Variants in PCDHGA4 observed in about 807,000 individuals in gnomAD.
The protein encoded by PCDHGA4 is protocadherin gamma subfamily A, 4, also known as protocadherin gamma-A4.
In PCDHGA4, 38 loss-of-function variants were observed where a neutral mutation model predicts 54.6. That is an observed-to-expected ratio of 0.70 (90% CI 0.54 to 0.91). The LOEUF (loss-of-function observed/expected upper bound fraction) is 0.91. Among genes scored for constraint, PCDHGA4 ranks in the 40% least tolerant of loss-of-function variants. PCDHGA4 has a pLI of 0.00. For synonymous variants in PCDHGA4, 511 were observed against 512.9 expected (o/e 1.00, Z 0.05); for missense variants, 1,298 against 1,220.9 (o/e 1.06, Z -0.94).
At chr5:141,360,096 T>A in intron 1 of PCDHGA4, 1 of 1,526,388 alleles carries the variant, frequency 6.6e-7, no homozygotes, top group Non-Finnish European at 8.8e-7. Flanking sequence ...CCCGGAAGGC[T>A]TATTCCTCCT....
intron 1 of PCDHGA4, among the ~76,000 whole-genome samples, chr5:141,362,829 T>A (rs1211697961): frequency 6.6e-6 from 1 of 152,260 alleles, no homozygotes. Flanking sequence ...GATTTGTTGC[T>A]ATTGAGACTT....
chr5:141,387,668 A>C, intron 1 of PCDHGA4: 1 of 689,820 alleles, frequency 1.4e-6, no homozygotes, highest in Non-Finnish European at 2.4e-6. Flanking sequence ...GGCGCTCCAG[A>C]TCTCCTCGCG....
At chr5:141,372,507 C>T (rs1393188281) in intron 1 of PCDHGA4, 2 of 1,614,044 alleles carry the variant, frequency 1.2e-6, no homozygotes, top group Admixed American at 3.3e-5. Context: ...GCTCTTCCTC[C>T]TCGCGGTGAT....
At chr5:141,386,634 G>A (rs1351043708) in intron 1 of PCDHGA4, among the ~76,000 whole-genome samples, 2 of 151,884 alleles carry the variant, frequency 1.3e-5, no homozygotes, top group Non-Finnish European at 2.9e-5. Context: ...CTGTCACCCA[G>A]GCTGGATACA....
At chr5:141,365,482 C>T (rs1158935683) in intron 1 of PCDHGA4, 2 of 1,613,836 alleles carry the variant, frequency 1.2e-6, no homozygotes, top group Non-Finnish European at 1.7e-6. Context: ...AGATTGCATG[C>T]TCTATTCCTA....
intron 1 of PCDHGA4, chr5:141,367,398 G>C (rs1419985129): frequency 2.0e-5 from 3 of 152,206 alleles, no homozygotes; most frequent in African/African-American, 7.2e-5. Context: ...TTAGCCGGGC[G>C]TGGTGGCAGG....
At chr5:141,419,187 C>G (rs1179461161) in intron 1 of PCDHGA4, 4 of 1,614,024 alleles carry the variant, frequency 2.5e-6, no homozygotes, top group Non-Finnish European at 2.5e-6. Context: ...CTGCACATTA[C>G]TGACGTCAAT....
chr5:141,494,537 G>C (rs2099755111), intron 1 of PCDHGA4, among the ~76,000 whole-genome samples: 1 of 152,168 alleles, frequency 6.6e-6, no homozygotes, highest in Non-Finnish European at 1.5e-5. Flanking sequence ...TGGGGGCAGG[G>C]AGGAAGGGGC....
chr5:141,428,646 C>T (rs542682298), intron 1 of PCDHGA4: 7 of 170,630 alleles, frequency 4.1e-5, no homozygotes, highest in South Asian at 3.0e-4. Flanking sequence ...CTCCTACTCA[C>T]GTGAGTTCCA....
intron 1 of PCDHGA4, among the ~76,000 whole-genome samples, chr5:141,462,639 C>T (rs2099043867): frequency 7.2e-6 from 1 of 138,292 alleles, no homozygotes. Flanking sequence ...TTGACTCTTT[C>T]ATTTCCATCC....
chr5:141,445,048 A>G (rs1364884310), intron 1 of PCDHGA4, among the ~76,000 whole-genome samples: 4 of 152,234 alleles, frequency 2.6e-5, no homozygotes, highest in Non-Finnish European at 5.9e-5. Flanking sequence ...TTTTCAGTGT[A>G]GAGAGGTCAT....
chr5:141,419,258 C>G lies in PCDHGA4; in HGVS notation c.2514+61637C>G, dbSNP rs761740232. The G allele has an allele frequency of 2.5e-6, 4 of 1,614,028 alleles. No individual in the cohort carries two copies. The Admixed American group carries it at 6.7e-5, about 27-fold the overall frequency. ...GGTCCACGTGCCAGAAAACAACCAG[C>G]CGGGTGCCTCCATAGCGCAAGTCAG... On this transcript the variant is annotated intron_variant, in intron 1 of 3. Transcript: ENST00000571252.
chr5:141,489,943 A>G lies in PCDHGA4; in HGVS notation c.2515-4864A>G. ...CCTTATCTCTGTCATCGTGCTGGAC[A>G]TCAATGATAATGCTCCAACCTTCCA... On this transcript the variant is annotated intron_variant, in intron 1 of 3. Transcript: ENST00000571252. The surrounding 1 kb of genome is among the most constrained non-coding windows in gnomAD (Gnocchi z 4.5). 5.6e-6 allele frequency: 9 copies of G among 1,614,190 alleles called. No homozygotes were observed. Among genetic ancestry groups the G allele is most frequent in the Non-Finnish European group, 7.6e-6 (9 of 1,180,016 alleles).
intron 1 of PCDHGA4, chr5:141,374,142 T>C (rs1270815703): frequency 6.2e-7 from 1 of 1,610,314 alleles, no homozygotes; most frequent in South Asian, 1.1e-5. Context: ...CTCACGCTCC[T>C]GGGGACGCTG....
intron 2 of PCDHGA4, among the ~76,000 whole-genome samples, chr5:141,503,388 A>C (rs1456500896): frequency 6.6e-6 from 1 of 152,004 alleles, no homozygotes; most frequent in East Asian, 1.9e-4. Flanking sequence ...TGAGGTCAGG[A>C]GTTCGAAACC....
chr5:141,356,781 C>A lies in PCDHGA4; in HGVS notation c.1674C>A (p.Asp558Glu). 1 of 1,613,996 alleles carries A rather than the reference C, an allele frequency of 6.2e-7. No homozygotes were observed. The highest frequency in any genetic ancestry group is 1.3e-5 in the African/African-American group (1 of 75,062). Residue 558 changes from aspartate to glutamate, a missense_variant, in exon 1 of 4, where the codon GAC becomes GAA. Transcript: ENST00000571252. ...LCSFDYEQFRDLQLLMTASDS... is the reference protein window; with the variant it reads ...LCSFDYEQFRELQLLMTASDS... Reference sequence around the variant, plus strand: ...CCTTCGACTATGAGCAGTTTAGAGACCTGCAGCTGCTGATGACAGCCAGTG... The same window carrying A: ...CCTTCGACTATGAGCAGTTTAGAGAACTGCAGCTGCTGATGACAGCCAGTG...
chr5:141,392,931 G>A (rs2092632355), intron 1 of PCDHGA4: 2 of 1,613,802 alleles, frequency 1.2e-6, no homozygotes, highest in Admixed American at 1.7e-5. Context: ...AGAAGAGACG[G>A]ACAAAGGCTC....
chr5:141,376,606 A>C (rs1349467952), intron 1 of PCDHGA4: 1 of 1,502,986 alleles, frequency 6.7e-7, no homozygotes, highest in African/African-American at 1.4e-5. Context: ...TATAGAAGCG[A>C]ACCTCTTTTG....
rs1409333356 is a variant in PCDHGA4 at position 141,418,996 on chromosome 5, T to C, written c.2514+61375T>C. On this transcript the variant is annotated intron_variant, in intron 1 of 3. Coordinates refer to ENST00000571252, the MANE Select transcript of PCDHGA4 (RefSeq NM_018917.4). ...CACGGGACCAAGACTCAGGGGAAAATGGGGAAGTCAGGTGTAGCTTAAGTA... is the reference window on the plus strand; with the variant it reads ...CACGGGACCAAGACTCAGGGGAAAACGGGGAAGTCAGGTGTAGCTTAAGTA... 3.3e-5 allele frequency: 54 copies of C among 1,613,756 alleles called. 1 individual carries two copies. The East Asian group carries it at 1.0e-3, about 30-fold the overall frequency.
Sources: gnomAD v4.1 joint callset for allele counts (sites outside exome capture counted in the v4.1 genomes callset) on GRCh38, gnomAD v4.1.1 for gene constraint, Gnocchi (gnomAD v3.1) non-coding constraint, MANE v1.5 for transcripts, NCBI Gene and HGNC (gene_info 2026-07-23, HGNC 2026-07-21) for gene names.